TCF7L2: variants seen among roughly 807,000 people sequenced by gnomAD.
TCF7L2 encodes the protein transcription factor 7-like 2.
Under a neutral mutation model 77.9 loss-of-function variants are expected in TCF7L2, and 23 were observed. That is an observed-to-expected ratio of 0.30 (90% CI 0.21 to 0.42). TCF7L2 has a LOEUF of 0.42. TCF7L2 is among the 10% of genes least tolerant of loss of function. The pLI, the probability that TCF7L2 is intolerant of heterozygous loss-of-function variation, is 1.00. For synonymous variants in TCF7L2, 413 were observed against 340.2 expected (o/e 1.21, Z -2.36); for missense variants, 654 against 793.1 (o/e 0.82, Z 2.11).
At chr10:113,033,491 T>C (rs1007899445) in intron 4 of TCF7L2, among the ~76,000 whole-genome samples, 6 of 152,102 alleles carry the variant, frequency 3.9e-5, no homozygotes, top group African/African-American at 1.4e-4. Flanking sequence ...CAAGCAATCT[T>C]CCTGCCTCAG....
At chr10:113,065,581 G>A (rs1018041940) in intron 5 of TCF7L2, among the ~76,000 whole-genome samples, 3 of 152,174 alleles carry the variant, frequency 2.0e-5, no homozygotes, top group Non-Finnish European at 4.4e-5. Context: ...TATCTGTTAA[G>A]AATCGGGATA....
chr10:113,075,536 T>A (rs1338361081), intron 5 of TCF7L2, among the ~76,000 whole-genome samples: 1 of 152,202 alleles, frequency 6.6e-6, no homozygotes, highest in Non-Finnish European at 1.5e-5. Context: ...TTTTTTTTAA[T>A]GTTGCCAATT....
chr10:113,025,268 C>T (rs562544969), intron 4 of TCF7L2, among the ~76,000 whole-genome samples: 2 of 143,536 alleles, frequency 1.4e-5, no homozygotes, highest in South Asian at 2.2e-4. Context: ...TCTCAAGTCT[C>T]GCTCTGGTGC....
At chr10:113,040,196 T>G in intron 5 of TCF7L2, 70 bp downstream of exon 5, 1 of 1,316,388 alleles carries the variant, frequency 7.6e-7, no homozygotes, top group East Asian at 2.3e-5. Flanking sequence ...TTTTTGATGA[T>G]AACAGGCCTT....
At chr10:113,067,688 GC>G (rs1178028314) in intron 5 of TCF7L2, among the ~76,000 whole-genome samples, 1 of 152,170 alleles carries the variant, frequency 6.6e-6, no homozygotes, top group Non-Finnish European at 1.5e-5. Flanking sequence ...GACCCAGACA[GC>G]CCGAGTCCTT....
At chr10:113,147,064 G>A (rs147182509) in intron 8 of TCF7L2, among the ~76,000 whole-genome samples, 2 of 152,256 alleles carry the variant, frequency 1.3e-5, no homozygotes, top group African/African-American at 4.8e-5. Context: ...CAAACTGGTT[G>A]GCAGCAGTAT....
chr10:113,070,287 A>ATATATATG (rs2057827188), intron 5 of TCF7L2, among the ~76,000 whole-genome samples: 2 of 146,664 alleles, frequency 1.4e-5, no homozygotes, highest in South Asian at 4.2e-4. Context: ...ATATATATAT[A>ATATATATG]TATGAATTAA....
intron 8 of TCF7L2, among the ~76,000 whole-genome samples, chr10:113,147,193 T>G (rs546499009): frequency 3.3e-5 from 5 of 152,334 alleles, no homozygotes; most frequent in Non-Finnish European, 5.9e-5. Context: ...CACCAACCCA[T>G]TCTGATGATG....
intron 5 of TCF7L2, among the ~76,000 whole-genome samples, chr10:113,052,032 A>T (rs2054560990): frequency 6.6e-6 from 1 of 152,194 alleles, no homozygotes; most frequent in Admixed American, 6.5e-5. Flanking sequence ...TTTTTAAATC[A>T]TGGAAAATTG....
chr10:112,985,346 CT>C, intron 4 of TCF7L2, among the ~76,000 whole-genome samples: 1 of 152,158 alleles, frequency 6.6e-6, no homozygotes, highest in Non-Finnish European at 1.5e-5. Flanking sequence ...CAAAATAGGG[CT>C]TTCAAATGGA....
chr10:113,152,538 C>G, intron 11 of TCF7L2, 98 bp downstream of exon 11: 1 of 996,046 alleles, frequency 1.0e-6, no homozygotes. Flanking sequence ...CTAGGGTGGG[C>G]CTCAGGACCA....
intron 5 of TCF7L2, among the ~76,000 whole-genome samples, chr10:113,109,145 C>T (rs1352166307): frequency 6.6e-6 from 1 of 152,212 alleles, no homozygotes; most frequent in Non-Finnish European, 1.5e-5. Flanking sequence ...AATTGCCGCA[C>T]TGGCATTTTC....
At chr10:113,153,808 C>T (rs2071274919) in intron 11 of TCF7L2, among the ~76,000 whole-genome samples, 1 of 152,256 alleles carries the variant, frequency 6.6e-6, no homozygotes, top group Admixed American at 6.5e-5. Context: ...AAATCGCAAA[C>T]ATCTGCCGGC....
At chr10:113,111,215 C>A (rs1411177762) in intron 5 of TCF7L2, among the ~76,000 whole-genome samples, 17 of 152,080 alleles carry the variant, frequency 1.1e-4, no homozygotes, top group Admixed American at 1.1e-3. Context: ...GGAAATTATA[C>A]CATCAAGGTA....
chr10:113,125,951 A>G (rs2065518014), intron 5 of TCF7L2: 1 of 152,226 alleles, frequency 6.6e-6, no homozygotes, highest in Admixed American at 6.5e-5. Context: ...AAGTCAGCAC[A>G]TTCTTGATTT....
At chr10:113,152,140 A>G (rs111530189) in intron 10 of TCF7L2, among the ~76,000 whole-genome samples, 193 bp from the exon 11 acceptor site, 2 of 152,316 alleles carry the variant, frequency 1.3e-5, no homozygotes, top group African/African-American at 4.8e-5. Flanking sequence ...TAACAAATCA[A>G]GTTTTGTCTA....
At chr10:112,993,248 G>A (rs1047280719) in intron 4 of TCF7L2, among the ~76,000 whole-genome samples, 9 of 152,090 alleles carry the variant, frequency 5.9e-5, no homozygotes, top group East Asian at 1.9e-4. Context: ...AGCAAGGCGC[G>A]GTGGCTCATG....
At chr10:112,980,914 C>T (rs2040371406) in intron 4 of TCF7L2, among the ~76,000 whole-genome samples, 1 of 152,226 alleles carries the variant, frequency 6.6e-6, no homozygotes, top group South Asian at 2.1e-4. Context: ...GCGTGAGCCA[C>T]CATTCCCGGC....
At chr10:113,055,302 A>T (rs1466339811) in intron 5 of TCF7L2, among the ~76,000 whole-genome samples, 1 of 152,122 alleles carries the variant, frequency 6.6e-6, no homozygotes. Context: ...TGGACTTAAA[A>T]TTTTTGCCAA....
Sources: gnomAD v4.1 joint callset for allele counts (sites outside exome capture counted in the v4.1 genomes callset) on GRCh38, gnomAD v4.1.1 for gene constraint, MANE v1.5 for transcripts, NCBI Gene and HGNC (gene_info 2026-07-23, HGNC 2026-07-21) for gene names.